The following TIAM1 variants were observed in gnomAD, a reference collection of about 807,000 sequenced individuals.
TIAM1 encodes rho guanine nucleotide exchange factor TIAM1.
Under a neutral mutation model 163.5 loss-of-function variants are expected in TIAM1, and 65 were observed. That is an observed-to-expected ratio of 0.40 (90% CI 0.33 to 0.49). The LOEUF (loss-of-function observed/expected upper bound fraction) is 0.49. Ranked by LOEUF, TIAM1 falls within the 20% of genes least tolerant of loss-of-function variation. The pLI is 0.77. For missense variants in TIAM1, 1,789 were observed against 2,044.7 expected, an observed-to-expected ratio of 0.87 and a Z score of 2.41; for synonymous variants, 833 against 810.1, an observed-to-expected ratio of 1.03 and a Z score of -0.48.
chr21:31,193,196 G>C (rs1366422028), intron 13 of TIAM1, among the ~76,000 whole-genome samples: 2 of 152,234 alleles, frequency 1.3e-5, no homozygotes, highest in African/African-American at 4.8e-5. Flanking sequence ...TAACACAGCA[G>C]GCATGACTGC....
At chr21:31,261,262 CTTT>C (rs397792273) in intron 4 of TIAM1, among the ~76,000 whole-genome samples, 2 of 136,874 alleles carry the variant, frequency 1.5e-5, no homozygotes. Context: ...CAGCCAAGTC[CTTT>C]TTTTTTTTTT....
At chr21:31,432,273 G>C (rs766761524) in intron 2 of TIAM1, among the ~76,000 whole-genome samples, 1 of 151,866 alleles carries the variant, frequency 6.6e-6, no homozygotes, top group African/African-American at 2.4e-5. Context: ...GCTAATTTTT[G>C]TATTTTTAGT....
intron 2 of TIAM1, among the ~76,000 whole-genome samples, chr21:31,293,976 G>A (rs1240070493): frequency 6.6e-6 from 1 of 152,074 alleles, no homozygotes; most frequent in Non-Finnish European, 1.5e-5. Context: ...CATAAATTAT[G>A]GAGGTCCTGG....
intron 2 of TIAM1, among the ~76,000 whole-genome samples, chr21:31,387,075 A>G (rs1222093086): frequency 1.3e-5 from 2 of 149,738 alleles, no homozygotes; most frequent in Non-Finnish European, 3.0e-5. Flanking sequence ...CAGACCCACC[A>G]CCCTGGGCCC....
chr21:31,307,105 G>T (rs1464765531), intron 2 of TIAM1, among the ~76,000 whole-genome samples: 1 of 152,120 alleles, frequency 6.6e-6, no homozygotes. Context: ...TATGTATACA[G>T]GTGAAAACAG....
intron 9 of TIAM1, among the ~76,000 whole-genome samples, chr21:31,215,280 C>T (rs2087117514): frequency 6.6e-6 from 1 of 152,012 alleles, no homozygotes; most frequent in African/African-American, 2.4e-5. Flanking sequence ...ACAATGACAC[C>T]ACCACCTCCC....
intron 2 of TIAM1, among the ~76,000 whole-genome samples, chr21:31,399,925 C>T (rs896186533): frequency 3.3e-5 from 5 of 152,014 alleles, no homozygotes; most frequent in Admixed American, 6.6e-5. Context: ...AATGTTGACA[C>T]TTTCATTGAT....
At chr21:31,360,221 G>A (rs982082927) in intron 2 of TIAM1, among the ~76,000 whole-genome samples, 1 of 151,922 alleles carries the variant, frequency 6.6e-6, no homozygotes, top group African/African-American at 2.4e-5. Flanking sequence ...ACCGCCAACT[G>A]AGAATTCTAT....
intron 12 of TIAM1, among the ~76,000 whole-genome samples, chr21:31,197,804 A>C (rs750331767): frequency 2.6e-5 from 4 of 152,182 alleles, no homozygotes; most frequent in Non-Finnish European, 5.9e-5. Flanking sequence ...CAAGAGCCTA[A>C]AGAGAAAGTA....
intron 8 of TIAM1, among the ~76,000 whole-genome samples, chr21:31,222,530 C>T (rs950230748): frequency 6.6e-6 from 1 of 151,622 alleles, no homozygotes; most frequent in East Asian, 1.9e-4. Flanking sequence ...CAGAGTTCTT[C>T]GCCTTGCTCT....
At chr21:31,149,750 A>C (rs1159198326) in intron 19 of TIAM1, among the ~76,000 whole-genome samples, 1 of 152,170 alleles carries the variant, frequency 6.6e-6, no homozygotes, top group East Asian at 1.9e-4. Flanking sequence ...TTTTTTGTTT[A>C]TCTAACTACC....
intron 2 of TIAM1, among the ~76,000 whole-genome samples, chr21:31,370,521 A>G (rs893481684): frequency 6.6e-6 from 1 of 152,132 alleles, no homozygotes; most frequent in African/African-American, 2.4e-5. Flanking sequence ...CTGCAGGCCA[A>G]AGTAGATTGG....
intron 2 of TIAM1, among the ~76,000 whole-genome samples, chr21:31,356,547 T>TA (rs2076320148): frequency 1.3e-5 from 2 of 152,176 alleles, no homozygotes; most frequent in Non-Finnish European, 2.9e-5. Flanking sequence ...GGATTGGGAT[T>TA]AGTGCTCTTT....
intron 9 of TIAM1, among the ~76,000 whole-genome samples, chr21:31,216,220 G>A (rs371676220): frequency 9.9e-5 from 15 of 152,206 alleles, no homozygotes; most frequent in South Asian, 4.2e-4. Flanking sequence ...AGTCAGCTAA[G>A]GGACTCAGGG....
intron 13 of TIAM1, among the ~76,000 whole-genome samples, chr21:31,190,996 A>C (rs1475101924): frequency 6.6e-6 from 1 of 151,730 alleles, no homozygotes; most frequent in Admixed American, 6.6e-5. Flanking sequence ...CTGAATTTCG[A>C]CTCTGCGGTA....
At chr21:31,149,809 G>A (rs1467405352) in intron 19 of TIAM1, among the ~76,000 whole-genome samples, 1 of 152,112 alleles carries the variant, frequency 6.6e-6, no homozygotes, top group African/African-American at 2.4e-5. Context: ...TACTAATTTA[G>A]AAAACAGGTA....
chr21:31,432,686 GAAAC>G (rs914069404), intron 2 of TIAM1, among the ~76,000 whole-genome samples: 1 of 152,200 alleles, frequency 6.6e-6, no homozygotes, highest in African/African-American at 2.4e-5. Flanking sequence ...GGAAACAGTA[GAAAC>G]AAACACAGGG....
intron 6 of TIAM1, among the ~76,000 whole-genome samples, chr21:31,239,830 G>C (rs1336590121): frequency 1.3e-5 from 2 of 152,204 alleles, no homozygotes; most frequent in African/African-American, 4.8e-5. Flanking sequence ...AAAAATCTCA[G>C]TATCAAGTTT....
intron 1 of TIAM1, among the ~76,000 whole-genome samples, chr21:31,483,344 G>C (rs907811108): frequency 3.3e-5 from 5 of 152,192 alleles, no homozygotes; most frequent in African/African-American, 1.2e-4. Flanking sequence ...AAAAGACAGA[G>C]TGGGTCTCGT....
Sources: gnomAD v4.1 joint callset for allele counts (sites outside exome capture counted in the v4.1 genomes callset) on GRCh38, gnomAD v4.1.1 for gene constraint, MANE v1.5 for transcripts, NCBI Gene and HGNC (gene_info 2026-07-23, HGNC 2026-07-21) for gene names.